The following NFATC4 variants were observed in gnomAD, a reference collection of about 807,000 sequenced individuals.
NFATC4 encodes nuclear factor of activated T-cells, cytoplasmic 4.
Under a neutral mutation model 73.4 loss-of-function variants are expected in NFATC4, and 25 were observed. The observed-to-expected ratio is 0.34, with a 90% CI of 0.25 to 0.48. NFATC4 has a LOEUF of 0.48. Among genes scored for constraint, NFATC4 ranks in the 20% least tolerant of loss-of-function variants. The probability of loss-of-function intolerance (pLI) is 0.99; values close to 1 mark genes in which losing one functional copy is unlikely to be tolerated. For missense variants in NFATC4, 1,130 were observed against 1,203.7 expected (o/e 0.94, Z 0.91); for synonymous variants, 523 against 510.3 (o/e 1.02, Z -0.34).
chr14:24,373,489 G>C lies in NFATC4; in HGVS notation c.1559+119G>C. 7.2e-7 allele frequency: 1 copy of C among 1,392,084 alleles called. No homozygotes were observed. Among genetic ancestry groups the C allele is most frequent in the Non-Finnish European group, 9.8e-7 (1 of 1,016,282 alleles). The allele number at this position is 1,392,084 out of a possible 1,614,324, so 86.2% of individuals were successfully genotyped here. ...AGGTAGACATTTTTCCTAGGAGCTGGCTTCAGGCCTACCCACCATCTGGAA... is the reference window on the plus strand; with the variant it reads ...AGGTAGACATTTTTCCTAGGAGCTGCCTTCAGGCCTACCCACCATCTGGAA... On this transcript the variant is annotated intron_variant, in intron 4 of 9. Coordinates refer to ENST00000250373, the MANE Select transcript of NFATC4 (RefSeq NM_004554.5). This position sits in a 1 kb window ranked among gnomAD's most constrained non-coding sequence, Gnocchi z 4.7.
rs774797124 is a variant in NFATC4 at position 24,370,100 on chromosome 14, T to C, written c.702T>C (p.Tyr234=). The C allele has an allele frequency of 3.1e-6, 5 of 1,604,600 alleles. No individual in the cohort carries two copies. Among genetic ancestry groups the C allele is most frequent in the Non-Finnish European group, 4.2e-6 (5 of 1,179,740 alleles). ...CCCCCGAAGATCCCTGGAGCCTGTA[T>C]GGTCCAAGCCCCGGAGGCCGAGGGC... The part of the protein sequence containing the change: ...PWTPEDPWSL[Y]GPSPGGRGPE... The change falls in exon 2 of 10, where the codon TAT becomes TAC. Residue 234 remains tyrosine, a synonymous_variant. Transcript: ENST00000250373.
chr14:24,374,517 C>T lies in NFATC4; in HGVS notation c.1873+51C>T, dbSNP rs373856743. The T allele has an allele frequency of 2.7e-5, 42 of 1,544,604 alleles. No homozygotes were observed. In the African/African-American group the frequency reaches 5.7e-4, roughly 21 times the overall value. On this transcript the variant is annotated intron_variant, in intron 6 of 9. Transcript: ENST00000250373. ...GCAGGCAGGGAGAGCTTGGGAGTGGCAGGTGAAACATCTCTGGCATTGTCA... is the reference window on the plus strand; with the variant it reads ...GCAGGCAGGGAGAGCTTGGGAGTGGTAGGTGAAACATCTCTGGCATTGTCA...
intron 6 of NFATC4, 59 bp from the exon 7 acceptor site, chr14:24,375,601 C>T: frequency 6.5e-7 from 1 of 1,538,428 alleles, no homozygotes; most frequent in Non-Finnish European, 8.8e-7. Flanking sequence ...TGGCAGAGAA[C>T]TAGGGCAGGG....
At position 24,369,924 on chromosome 14, in the gene NFATC4, C is replaced by T. The variant is rs1390495860; in HGVS notation, c.526C>T (p.Leu176=). The part of the protein sequence containing the change: ...FFSPSPGSSS[L]SSWSFFSDAS... ...CAGCCCAAGCCCTGGCAGCAGCAGC[C>T]TGTCCTCGTGGAGCTTCTTCTCCGA... Residue 176 remains leucine, a synonymous_variant, in exon 2 of 10, where the codon CTG becomes TTG. Transcript: ENST00000250373. 1.9e-6 allele frequency: 3 copies of T among 1,612,756 alleles called. No homozygotes were observed. In the African/African-American group the frequency reaches 4.0e-5, roughly 22 times the overall value.
rs770457436 is a variant in NFATC4, at chr14:24,369,990, G to A, written c.592G>A (p.Val198Met). 1.2e-5 allele frequency: 19 copies of A among 1,612,792 alleles called. No individual in the cohort carries two copies. In the South Asian group the frequency reaches 1.5e-4, roughly 13 times the overall value. The change falls in exon 2 of 10, where the codon GTG becomes ATG. Residue 198 changes from valine (V) to methionine (M), a missense_variant. Physicochemically the swap from Val to Met is conservative, Grantham distance 21. Transcript: ENST00000250373. ...AGCCCTGTATGCAGCCTGCGACGAG[G>A]TGGAGTCTGAGCTAAATGAGGCGGC... is the stretch of plus-strand genomic sequence containing the variant. ...EAALYAACDE[V>M]ESELNEAASR...
chr14:24,372,883 G>A (rs1223320812), intron 3 of NFATC4: 4 of 598,152 alleles, frequency 6.7e-6, no homozygotes, highest in Non-Finnish European at 1.2e-5. Context: ...TTTAGGCTGA[G>A]GACAAAAGTC....
Position 24,377,845 on chromosome 14 carries a change from C to T in NFATC4, c.*140C>T. 1 of 1,473,068 alleles carries T rather than the reference C, an allele frequency of 6.8e-7. No individual in the cohort carries two copies. The highest frequency in any genetic ancestry group is 9.1e-7 in the Non-Finnish European group (1 of 1,100,918). 91.2% of individuals were successfully genotyped at this position (1,473,068 alleles called of 1,614,324 possible). A position where few individuals can be genotyped will look rare whatever the true frequency, so the allele number is the denominator to read the frequency against. On this transcript the variant is annotated 3_prime_UTR_variant, in exon 10 of 10. Coordinates refer to ENST00000250373, the MANE Select transcript of NFATC4 (RefSeq NM_004554.5). The surrounding 1 kb of genome is among the most constrained non-coding windows in gnomAD (Gnocchi z 4.2). ...CCCCAGCTTCTGTCTGTCTCACTGT[C>T]TTCCCTCCCCTCCCCCAGCTGAGGT... is the stretch of plus-strand genomic sequence containing the variant.
chr14:24,367,897 A>G, upstream of NFATC4: 1 of 1,309,170 alleles, frequency 7.6e-7, no homozygotes, highest in South Asian at 2.3e-5. Context: ...AGACTAGGGG[A>G]GGTGGGGGCT....
At chr14:24,372,722 C>T (rs1177146454) in intron 3 of NFATC4, 119 bp downstream of exon 3, 1 of 1,337,618 alleles carries the variant, frequency 7.5e-7, no homozygotes, top group African/African-American at 1.5e-5. Context: ...TGCAGGCAGC[C>T]TGGGGGAGGG....
rs755244684 is a variant in NFATC4 at position 24,370,401 on chromosome 14, A to T, written c.1003A>T (p.Ser335Cys). 1.9e-5 allele frequency: 30 copies of T among 1,613,924 alleles called. 1 individual carries two copies. The highest frequency in any genetic ancestry group is 2.5e-5 in the Non-Finnish European group (30 of 1,180,032). Residue 335 changes from serine (S) to cysteine (C), a missense_variant, in exon 2 of 10, where the codon AGC becomes TGC. Around this residue, in one of 3 missense-constraint regions of NFATC4, gnomAD observed 585 missense variants for 574.3 expected, o/e 1.02. Coordinates refer to ENST00000250373, the MANE Select transcript of NFATC4 (RefSeq NM_004554.5). The stretch of plus-strand genomic sequence containing the variant: ...CCCTCAGAAGACACGGCGGACTTCC[A>T]GCGAGCAGGCAGTGGCTCTGCCTCG... ...SIPQKTRRTS[S>C]EQAVALPRSE...
chr14:24,367,274 C>T (rs1359362309), upstream of NFATC4: 6 of 1,588,718 alleles, frequency 3.8e-6, no homozygotes, highest in Admixed American at 1.8e-5. Context: ...AGGAGGGGAA[C>T]CCACAGGGTC....
At chr14:24,368,895 C>A in intron 1 of NFATC4, 1 of 222,726 alleles carries the variant, frequency 4.5e-6, no homozygotes, top group Non-Finnish European at 7.6e-6. Flanking sequence ...AGGCAGATGG[C>A]GGGGACCGAG....
rs748382810 is a variant in NFATC4 at position 24,377,699 on chromosome 14, T to C, written c.2703T>C (p.Pro901=). The part of the protein sequence containing the change: ...GFPAPPGEEP[P]A ...CTGCACCTCCTGGAGAAGAGCCTCCTGCCTGAACCACGTGAACTGTCATCA... is the reference window on the plus strand; with the variant it reads ...CTGCACCTCCTGGAGAAGAGCCTCCCGCCTGAACCACGTGAACTGTCATCA... Residue 901 remains proline, a synonymous_variant, in exon 10 of 10, where the codon CCT becomes CCC. Transcript: ENST00000250373. The surrounding 1 kb of genome is among the most constrained non-coding windows in gnomAD (Gnocchi z 4.2). The C allele has an allele frequency of 6.2e-7, 1 of 1,614,210 alleles. No homozygotes were observed. Among genetic ancestry groups the C allele is most frequent in the East Asian group, 2.2e-5 (1 of 44,886 alleles).
Position 24,376,739 on chromosome 14 carries a change from C to T in NFATC4, c.2502C>T (p.Pro834=), listed in dbSNP as rs986079028. ...GPFPSQSDVH[P]LPAEGYNKVG... ...TCCCTTCCCAGAGTGATGTGCATCC[C>T]CTACCTGCTGAGGGATACAATAAGG... Residue 834 remains proline, a synonymous_variant, in exon 9 of 10, where the codon CCC becomes CCT. Coordinates refer to ENST00000250373, the MANE Select transcript of NFATC4 (RefSeq NM_004554.5). This position sits in a 1 kb window ranked among gnomAD's most constrained non-coding sequence, Gnocchi z 5.0. The T allele has an allele frequency of 6.2e-7, 1 of 1,613,962 alleles. No individual in the cohort carries two copies. Among genetic ancestry groups the T allele is most frequent in the Non-Finnish European group, 8.5e-7 (1 of 1,179,974 alleles).
In NFATC4 at chr14:24,369,584, C is replaced by G; in HGVS notation, c.186C>G (p.Pro62=). The change falls in exon 2 of 10, where the codon CCC becomes CCG. Residue 62 remains proline, a synonymous_variant. Transcript: ENST00000250373. ...PPYGAAPIGI[P]RPPPPRPGMH... is the part of the protein sequence containing the mutation. ...ATGGCGCTGCACCTATCGGTATTCC[C>G]CGACCTCCACCCCCTCGGCCTGGCA... The G allele has an allele frequency of 6.2e-7, 1 of 1,612,748 alleles. No individual in the cohort carries two copies. The highest frequency in any genetic ancestry group is 8.5e-7 in the Non-Finnish European group (1 of 1,179,386).
upstream of NFATC4, chr14:24,368,124 G>T: frequency 8.9e-7 from 1 of 1,124,204 alleles, no homozygotes; most frequent in Non-Finnish European, 1.1e-6. Flanking sequence ...GCCAATCAGG[G>T]ACAGGCTGGG....
At chr14:24,371,823 A>G (rs1487975770) in intron 2 of NFATC4, 1 of 152,198 alleles carries the variant, frequency 6.6e-6, no homozygotes, top group African/African-American at 2.4e-5. Context: ...AGCTGGGACT[A>G]CAGGAGCACC....
Position 24,373,431 on chromosome 14 carries a change from C to T in NFATC4, c.1559+61C>T. The T allele has an allele frequency of 6.4e-7, 1 of 1,563,034 alleles. No homozygotes were observed. Among genetic ancestry groups the T allele is most frequent in the East Asian group, 2.2e-5 (1 of 44,526 alleles). On this transcript the variant is annotated intron_variant, in intron 4 of 9. Transcript: ENST00000250373. The surrounding 1 kb of genome is among the most constrained non-coding windows in gnomAD (Gnocchi z 4.7). ...TTTGTACTAGCTTTCTCCACTGGGC[C>T]TATGCTAGCCCACTTCTTCCTTTTC...
At position 24,373,355 on chromosome 14, in the gene NFATC4, A is replaced by G. The variant is rs1594712414; in HGVS notation, c.1544A>G (p.Asn515Ser). ...KVLEMTLLPENNMAANIDCAG... is the reference protein window; with the variant it reads ...KVLEMTLLPESNMAANIDCAG... ...TTGGAGATGACTCTGCTGCCTGAGA[A>G]CAACATGGCGGCCAAGTAAGTCCCA... Residue 515 changes from asparagine (N) to serine (S), a missense_variant, in exon 4 of 10, where the codon AAC (asparagine) becomes AGC (serine). Physicochemically the swap from Asn to Ser is conservative, Grantham distance 46. Transcript: ENST00000250373. This position sits in a 1 kb window ranked among gnomAD's most constrained non-coding sequence, Gnocchi z 4.7. The G allele has an allele frequency of 4.3e-6, 7 of 1,613,986 alleles. No individual in the cohort carries two copies. In the East Asian group the frequency reaches 1.6e-4, roughly 36 times the overall value.
Sources: gnomAD v4.1 joint callset for allele counts on GRCh38, gnomAD v4.1.1 for gene constraint, gnomAD v4.1.1 regional missense constraint, Gnocchi (gnomAD v3.1) non-coding constraint, MANE v1.5 for transcripts, NCBI Gene and HGNC (gene_info 2026-07-23, HGNC 2026-07-21) for gene names.